Variants in HPSE2 observed in about 807,000 individuals in gnomAD.
HPSE2 encodes the protein heparanase 2 (inactive).
HPSE2 carries 38 observed loss-of-function variants against 60.5 expected under a neutral mutation model. The ratio of observed to expected loss-of-function variants is 0.63; its 90% confidence interval spans 0.48 to 0.82. The LOEUF (loss-of-function observed/expected upper bound fraction) is 0.82. HPSE2 is among the 40% of genes least tolerant of loss of function. The pLI is 0.00. For synonymous variants in HPSE2, 295 were observed against 293.2 expected (o/e 1.01, Z -0.06); for missense variants, 713 against 740.4 (o/e 0.96, Z 0.43).
chr10:98,707,699 G>A (rs1948582004), intron 5 of HPSE2, among the ~76,000 whole-genome samples: 1 of 152,070 alleles, frequency 6.6e-6, no homozygotes, highest in South Asian at 2.1e-4. Flanking sequence ...CAGAAAAATA[G>A]TTTAAAATCA....
At chr10:98,535,599 G>GAT (rs1398059952) in intron 9 of HPSE2, among the ~76,000 whole-genome samples, 2 of 152,026 alleles carry the variant, frequency 1.3e-5, no homozygotes, top group Non-Finnish European at 1.5e-5. Context: ...GTATACTATT[G>GAT]ATATATATAT....
chr10:98,707,042 A>G (rs1948565017), intron 5 of HPSE2, among the ~76,000 whole-genome samples: 1 of 152,154 alleles, frequency 6.6e-6, no homozygotes, highest in Non-Finnish European at 1.5e-5. Flanking sequence ...GATACTGGTG[A>G]AGATAAGCTG....
chr10:99,102,084 G>T (rs180847604), intron 3 of HPSE2, among the ~76,000 whole-genome samples: 1 of 152,220 alleles, frequency 6.6e-6, no homozygotes, highest in African/African-American at 2.4e-5. Context: ...AGAGAAGCAA[G>T]AGCAAACACA....
intron 3 of HPSE2, among the ~76,000 whole-genome samples, chr10:98,803,801 G>T (rs1214991919): frequency 6.6e-6 from 1 of 151,280 alleles, no homozygotes; most frequent in Non-Finnish European, 1.5e-5. Flanking sequence ...ACTTGGCGAT[G>T]CGGGCTCTTT....
At chr10:99,306,163 G>C in the HPSE2 span, among the ~76,000 whole-genome samples, 2 of 152,086 alleles carry the variant, frequency 1.3e-5, no homozygotes, top group African/African-American at 4.8e-5. Flanking sequence ...GAAGAGCAGA[G>C]AGGAAATGGA....
At chr10:98,760,726 T>C (rs1188899313) in intron 3 of HPSE2, among the ~76,000 whole-genome samples, 2 of 152,104 alleles carry the variant, frequency 1.3e-5, no homozygotes, top group African/African-American at 2.4e-5. Flanking sequence ...TTTTGCATTT[T>C]TGTCCATCAG....
chr10:99,079,775 G>C (rs575235770), intron 3 of HPSE2, among the ~76,000 whole-genome samples: 53 of 152,154 alleles, frequency 3.5e-4, no homozygotes, highest in African/African-American at 1.2e-3. Flanking sequence ...TTTGTGCTGA[G>C]TTGGGGGCAT....
At chr10:98,626,283 A>C (rs1946212643) in intron 7 of HPSE2, among the ~76,000 whole-genome samples, 1 of 152,368 alleles carries the variant, frequency 6.6e-6, no homozygotes, top group South Asian at 2.1e-4. Context: ...GTTCAAAAAC[A>C]ATCACAAATA....
intron 3 of HPSE2, among the ~76,000 whole-genome samples, chr10:98,980,112 G>A (rs1956172846): frequency 1.3e-5 from 2 of 152,122 alleles, no homozygotes; most frequent in South Asian, 4.1e-4. Context: ...TAAAGTCAGA[G>A]AGATCTTGGC....
chr10:98,484,395 G>A (rs1252845), intron 10 of HPSE2, among the ~76,000 whole-genome samples: 6,724 of 152,214 alleles, frequency 0.044, 493 homozygotes, highest in African/African-American at 0.15. Context: ...GCGCCACCAC[G>A]CCCAGCTAAT....
chr10:98,746,804 A>T (rs1402001134), intron 3 of HPSE2, among the ~76,000 whole-genome samples: 2 of 151,852 alleles, frequency 1.3e-5, no homozygotes, highest in Non-Finnish European at 2.9e-5. Flanking sequence ...ATTTTTTTTT[A>T]AAAAGAAAAA....
chr10:98,817,236 ATTCT>A lies in HPSE2; in HGVS notation c.611-73184_611-73181del, dbSNP rs765536183. On this transcript the variant is annotated intron_variant, in intron 3 of 11. Transcript: ENST00000370552. ...TTATTATTCTTATTATAAGTTTCGG[ATTCT>A]TTAATTCTAAACCTTGCAGTGATTG... 1.2e-4 allele frequency among the ~76,000 whole-genome samples: 18 copies of A among 152,218 alleles called. 1 individual carries two copies. In the East Asian group the frequency reaches 3.5e-3, roughly 29 times the overall value.
intron 4 of HPSE2, among the ~76,000 whole-genome samples, chr10:98,726,216 C>A (rs779394468): frequency 7.9e-5 from 12 of 152,040 alleles, no homozygotes; most frequent in Admixed American, 2.6e-4. Context: ...TTCACAATAG[C>A]AAAGACTTGG....
chr10:98,524,538 T>G (rs954843275), intron 9 of HPSE2, among the ~76,000 whole-genome samples: 1 of 152,216 alleles, frequency 6.6e-6, no homozygotes, highest in African/African-American at 2.4e-5. Flanking sequence ...CTCATGTTAC[T>G]TCTCTGTATT....
At chr10:98,695,098 A>C (rs1008971201) in intron 5 of HPSE2, among the ~76,000 whole-genome samples, 13 of 152,342 alleles carry the variant, frequency 8.5e-5, no homozygotes, top group Admixed American at 5.9e-4. Context: ...TTGCTGTGAC[A>C]GCAGAAGAGA....
chr10:98,886,020 T>C lies in HPSE2; in HGVS notation c.611-141964A>G, dbSNP rs193183301. On this transcript the variant is annotated intron_variant, in intron 3 of 11. Transcript: ENST00000370552. ...TCCATATTATCTGCCAAAAAATTCATAGTCAATTTATGAGCATCTTTTTAA... is the reference window on the plus strand; with the variant it reads ...TCCATATTATCTGCCAAAAAATTCACAGTCAATTTATGAGCATCTTTTTAA... 7.0e-4 allele frequency among the ~76,000 whole-genome samples: 106 copies of C among 152,240 alleles called. 1 individual carries two copies. The highest frequency in any genetic ancestry group is 1.2e-3 in the Non-Finnish European group (81 of 67,994).
intron 2 of HPSE2, among the ~76,000 whole-genome samples, chr10:99,149,994 T>C (rs1455463790): frequency 6.6e-6 from 1 of 151,976 alleles, no homozygotes; most frequent in Non-Finnish European, 1.5e-5. Context: ...AAAGTAGAGT[T>C]CCAAACTTGG....
intron 3 of HPSE2, among the ~76,000 whole-genome samples, chr10:98,842,988 C>T (rs1292023997): frequency 1.3e-5 from 2 of 152,020 alleles, no homozygotes; most frequent in Admixed American, 6.6e-5. Flanking sequence ...CAGTAGTATA[C>T]ATTTATGTTT....
At chr10:98,469,445 T>C (rs566125253) in intron 11 of HPSE2, among the ~76,000 whole-genome samples, 1 of 152,200 alleles carries the variant, frequency 6.6e-6, no homozygotes, top group Non-Finnish European at 1.5e-5. Flanking sequence ...ATCATCAACA[T>C]TTACAAGTAG....
Sources: allele counts gnomAD v4.1 joint callset (sites outside exome capture counted in the v4.1 genomes callset), GRCh38; gene constraint gnomAD v4.1.1; transcripts MANE v1.5; gene names NCBI Gene and HGNC (gene_info 2026-07-23, HGNC 2026-07-21).